Variants in CAMTA1 observed in about 807,000 individuals in gnomAD.
CAMTA1 encodes the protein calmodulin-binding transcription activator 1.
CAMTA1 carries 27 observed loss-of-function variants against 170.9 expected under a neutral mutation model. The observed-to-expected ratio is 0.16, with a 90% confidence interval of 0.12 to 0.22. CAMTA1 has a LOEUF of 0.22. Ranked by LOEUF, CAMTA1 falls within the 10% of genes least tolerant of loss-of-function variation. The pLI, the probability that CAMTA1 is intolerant of heterozygous loss-of-function variation, is 1.00. For synonymous variants in CAMTA1, 833 were observed against 891.5 expected, an observed-to-expected ratio of 0.93 and a Z score of 1.17; for missense variants, 1,619 against 2,217.2, an observed-to-expected ratio of 0.73 and a Z score of 5.42.
At chr1:7,287,591 TTCA>T (rs1468655812) in intron 5 of CAMTA1, among the ~76,000 whole-genome samples, 2 of 152,116 alleles carry the variant, frequency 1.3e-5, no homozygotes, top group African/African-American at 4.8e-5. Context: ...CTTCTTCTTC[TTCA>T]TCATCATCAC....
chr1:7,404,843 G>C (rs1157339321), intron 5 of CAMTA1, among the ~76,000 whole-genome samples: 1 of 152,194 alleles, frequency 6.6e-6, no homozygotes, highest in Non-Finnish European at 1.5e-5. Flanking sequence ...TTTCAGGTCT[G>C]TAGTCAAAGG....
chr1:7,283,817 G>A (rs1671852461), intron 5 of CAMTA1, among the ~76,000 whole-genome samples: 1 of 152,104 alleles, frequency 6.6e-6, no homozygotes, highest in African/African-American at 2.4e-5. Flanking sequence ...CCACCACCAG[G>A]ACATCATCTT....
At chr1:7,197,470 G>C (rs945399653) in intron 4 of CAMTA1, among the ~76,000 whole-genome samples, 1 of 151,982 alleles carries the variant, frequency 6.6e-6, no homozygotes, top group Admixed American at 6.5e-5. Context: ...GACACTTCTT[G>C]TGACCAGGAC....
At chr1:7,747,224 G>A (rs1449429975) in intron 18 of CAMTA1, among the ~76,000 whole-genome samples, 1 of 152,110 alleles carries the variant, frequency 6.6e-6, no homozygotes, top group African/African-American at 2.4e-5. Flanking sequence ...GGAGGCCTGG[G>A]GGCTGACTCC....
At chr1:7,284,274 GC>G (rs930899864) in intron 5 of CAMTA1, among the ~76,000 whole-genome samples, 10 of 150,606 alleles carry the variant, frequency 6.6e-5, no homozygotes, top group African/African-American at 2.4e-4. Context: ...CGTAATCTTG[GC>G]TCACTGCAAC....
chr1:7,188,170 A>G (rs935188066), intron 4 of CAMTA1, among the ~76,000 whole-genome samples: 5 of 152,180 alleles, frequency 3.3e-5, no homozygotes, highest in African/African-American at 1.2e-4. Context: ...AACTGCCCCC[A>G]TGATCCAATC....
chr1:7,321,549 C>A (rs968848779), intron 5 of CAMTA1, among the ~76,000 whole-genome samples: 2 of 152,192 alleles, frequency 1.3e-5, no homozygotes, highest in Non-Finnish European at 2.9e-5. Flanking sequence ...GTATTCTGGG[C>A]ATACATGGTA....
intron 5 of CAMTA1, among the ~76,000 whole-genome samples, chr1:7,376,275 A>C (rs1387141026): frequency 2.6e-5 from 4 of 152,270 alleles, no homozygotes; most frequent in Non-Finnish European, 5.9e-5. Context: ...ACTGGCCAGC[A>C]CATGGCCCTG....
rs981441496 is a variant in CAMTA1 at position 7,550,038 on chromosome 1, G to A, written c.510+82137G>A. Among the ~76,000 whole-genome samples the A allele has an allele frequency of 2.0e-5, 3 of 152,198 alleles. No homozygotes were observed. The South Asian group carries it at 6.2e-4, about 32-fold the overall frequency. On this transcript the variant is annotated intron_variant, in intron 6 of 22. Transcript: ENST00000303635. ...AAGGAGGAGGAGGGTGTGCAAAGGA[G>A]GAGAATCCCAAGGAGTCATTGCAGG...
intron 4 of CAMTA1, among the ~76,000 whole-genome samples, chr1:7,153,234 C>CA (rs1294995895): frequency 2.6e-5 from 4 of 152,156 alleles, no homozygotes; most frequent in Admixed American, 2.6e-4. Flanking sequence ...ATGAGAAAGA[C>CA]AGAGTCCCTA....
chr1:7,225,613 A>G lies in CAMTA1; in HGVS notation c.303-23878A>G, dbSNP rs566192460. ...GTGGCGAGGCCGGCACCCCAGTGCAATGTGCCAGCGGGGTTGACAGCTACC... is the reference window on the plus strand; with the variant it reads ...GTGGCGAGGCCGGCACCCCAGTGCAGTGTGCCAGCGGGGTTGACAGCTACC... On this transcript the variant is annotated intron_variant, in intron 4 of 22. Coordinates refer to ENST00000303635, the MANE Select transcript of CAMTA1 (RefSeq NM_015215.4). 1.8e-4 allele frequency among the ~76,000 whole-genome samples: 27 copies of G among 152,320 alleles called. No individual in the cohort carries two copies. The South Asian group carries it at 4.1e-3, about 23-fold the overall frequency.
chr1:7,307,681 T>G (rs1042077469), intron 5 of CAMTA1, among the ~76,000 whole-genome samples: 9 of 152,102 alleles, frequency 5.9e-5, no homozygotes, highest in African/African-American at 2.2e-4. Flanking sequence ...TATTGAAGCA[T>G]CTTTGCATTC....
At chr1:7,356,121 G>A (rs992607744) in intron 5 of CAMTA1, among the ~76,000 whole-genome samples, 1 of 152,238 alleles carries the variant, frequency 6.6e-6, no homozygotes, top group African/African-American at 2.4e-5. Context: ...TGGGAGGGAG[G>A]CATGGAAGCC....
chr1:7,221,303 C>T (rs1400384062), intron 4 of CAMTA1, among the ~76,000 whole-genome samples: 1 of 151,910 alleles, frequency 6.6e-6, no homozygotes, highest in East Asian at 1.9e-4. Flanking sequence ...CATTCATTCA[C>T]TCAAGCACTT....
intron 4 of CAMTA1, among the ~76,000 whole-genome samples, chr1:7,109,965 A>T (rs1213929998): frequency 6.6e-6 from 1 of 152,144 alleles, no homozygotes; most frequent in Non-Finnish European, 1.5e-5. Flanking sequence ...ATGGGGGCAG[A>T]TTTGGCCTCA....
At chr1:6,903,044 C>T (rs1036718683) in intron 3 of CAMTA1, among the ~76,000 whole-genome samples, 2 of 152,126 alleles carry the variant, frequency 1.3e-5, no homozygotes, top group Non-Finnish European at 2.9e-5. Context: ...AAAATAGAAA[C>T]AGCCCAAATA....
At position 6,970,705 on chromosome 1, in the gene CAMTA1, C is replaced by T. The variant is rs1379102150; in HGVS notation, c.235-120599C>T. Among the ~76,000 whole-genome samples the T allele has an allele frequency of 6.6e-6, 1 of 152,164 alleles. No homozygotes were observed. The highest frequency in any genetic ancestry group is 1.9e-4 in the East Asian group (1 of 5,190). The stretch of plus-strand genomic sequence containing the variant: ...GGGCTACTAGAGCACCTGTTCAGGA[C>T]GTATCATCCAGTCCTGGTGGGTCAG... On this transcript the variant is annotated intron_variant, in intron 3 of 22. Transcript: ENST00000303635. This position sits in a 1 kb window ranked among gnomAD's most constrained non-coding sequence, Gnocchi z 4.4.
intron 3 of CAMTA1, among the ~76,000 whole-genome samples, chr1:7,002,647 C>T (rs1474129743): frequency 6.6e-6 from 1 of 152,222 alleles, no homozygotes; most frequent in Admixed American, 6.5e-5. Flanking sequence ...CATATCGCTC[C>T]ATCCTTTGCT....
intron 7 of CAMTA1, among the ~76,000 whole-genome samples, chr1:7,657,606 C>G (rs531356842): frequency 3.3e-5 from 5 of 152,246 alleles, no homozygotes; most frequent in African/African-American, 1.2e-4. Flanking sequence ...GGCTATTAAC[C>G]TTCCTTTCAT....
Sources: gnomAD v4.1 joint callset for allele counts (sites outside exome capture counted in the v4.1 genomes callset) on GRCh38, gnomAD v4.1.1 for gene constraint, Gnocchi (gnomAD v3.1) non-coding constraint, MANE v1.5 for transcripts, NCBI Gene and HGNC (gene_info 2026-07-23, HGNC 2026-07-21) for gene names.